The following MOGS variants were observed in gnomAD, a reference collection of about 807,000 sequenced individuals.
The protein encoded by MOGS is mannosyl-oligosaccharide glucosidase.
In MOGS, 45 loss-of-function variants were observed where a neutral mutation model predicts 68.5. That is an observed-to-expected ratio of 0.66 (90% confidence interval 0.52 to 0.84). The LOEUF (loss-of-function observed/expected upper bound fraction) is 0.84, where lower values mean the gene tolerates loss of function less well. Among genes scored for constraint, MOGS ranks in the 40% least tolerant of loss-of-function variants. The probability of loss-of-function intolerance (pLI) is 0.00; values close to 1 mark genes in which losing one functional copy is unlikely to be tolerated. For missense variants in MOGS, 1,020 were observed against 1,095.0 expected (o/e 0.93, Z 0.97); for synonymous variants, 492 against 461.2 (o/e 1.07, Z -0.86).
chr2:74,465,381 G>C lies in MOGS; in HGVS notation c.-134C>G. The C allele has an allele frequency of 2.2e-6, 1 of 460,144 alleles. No individual in the cohort carries two copies. The highest frequency in any genetic ancestry group is 3.6e-5 in the East Asian group (1 of 27,962). The allele number at this position is 460,144 out of a possible 1,614,324, so 28.5% of individuals were successfully genotyped here. On this transcript the variant is annotated 5_prime_UTR_variant, in exon 1 of 4. Coordinates refer to ENST00000448666, the MANE Select transcript of MOGS (RefSeq NM_006302.3). The stretch of plus-strand genomic sequence containing the variant: ...TAGCGACACCTGCCAGCCAGCGCCT[G>C]CGCCTCCGCCTCCGCCTCCCGCCGG...
At position 74,464,581 on chromosome 2, in the gene MOGS, GC is replaced by G. The variant is rs775911357; in HGVS notation, c.493del (p.Ala165ProfsTer2). On this transcript the variant is annotated frameshift_variant, in exon 2 of 4. Transcript: ENST00000448666. LOFTEE classifies it high-confidence loss of function. ...GACGAACTCAGTGGTGAGCCTTAAG[GC>G]CCCATCCTGGATGTGTTGGCGCCCG... The part of the protein sequence containing the change: ...SFGRQHIQDG[A>X]LRLTTEFVKR... The G allele has an allele frequency of 5.6e-6, 9 of 1,614,092 alleles. No individual in the cohort carries two copies. The highest frequency in any genetic ancestry group is 7.6e-6 in the Non-Finnish European group (9 of 1,180,036).
rs747215720 is a variant in MOGS, at chr2:74,464,701, C to T, written c.374G>A (p.Gly125Asp). ...GAGCTTAGGAGTCCCCGGGGTGGTG[C>T]CCTGCTGCGCCCACATCAGTCCTGG... The part of the protein sequence containing the change: ...LLTGLMWAQQ[G>D]TTPGTPKLRH... The change falls in exon 2 of 4, where the codon GGC becomes GAC. Residue 125 changes from glycine to aspartate, a missense_variant. Gly to Asp is a moderately conservative substitution (Grantham distance 94, BLOSUM62 -1). Transcript: ENST00000448666. 2 of 1,612,938 alleles carry T rather than the reference C, an allele frequency of 1.2e-6. No homozygotes were observed. Among genetic ancestry groups the T allele is most frequent in the South Asian group, 1.1e-5 (1 of 91,032 alleles).
Position 74,464,477 on chromosome 2 carries a change from G to C in MOGS, c.579+19C>G. 4.3e-6 allele frequency: 7 copies of C among 1,611,414 alleles called. No homozygotes were observed. Among genetic ancestry groups the C allele is most frequent in the Non-Finnish European group, 5.9e-6 (7 of 1,178,324 alleles). On this transcript the variant is annotated intron_variant, in intron 2 of 3. Transcript: ENST00000448666. Reference sequence around the variant, plus strand: ...TGGAGGGGGTCTGGGCTGAGAAAAGGGTGTCCTGAGGCCCTGACCTGAGGC... The same window carrying C: ...TGGAGGGGGTCTGGGCTGAGAAAAGCGTGTCCTGAGGCCCTGACCTGAGGC...
Position 74,464,725 on chromosome 2 carries a change from G to A in MOGS, c.353-3C>T. On this transcript the variant is annotated splice_polypyrimidine_tract_variant and splice_region_variant and intron_variant, in intron 1 of 3. Transcript: ENST00000448666. The stretch of plus-strand genomic sequence containing the variant: ...GCCCTGCTGCGCCCACATCAGTCCT[G>A]GGGGTAGAATGGCCACGTAAGTCAA... 6.2e-7 allele frequency: 1 copy of A among 1,610,206 alleles called. No individual in the cohort carries two copies. The highest frequency in any genetic ancestry group is 8.5e-7 in the Non-Finnish European group (1 of 1,177,386).
rs1671918908 is a variant in MOGS, at chr2:74,461,850, G to A, written c.1939C>T (p.Pro647Ser). ...AESLDELHWAPELGVFADFGN... is the reference protein window; with the variant it reads ...AESLDELHWASELGVFADFGN... ...AAGTCTGCAAAGACTCCTAGCTCTG[G>A]GGCCCAGTGCAGCTCATCCAGGCTC... The change falls in exon 4 of 4, where the codon CCA becomes TCA. Residue 647 changes from proline to serine, a missense_variant. Transcript: ENST00000448666. 1 of 1,613,942 alleles carries A rather than the reference G, an allele frequency of 6.2e-7. No homozygotes were observed. The highest frequency in any genetic ancestry group is 8.5e-7 in the Non-Finnish European group (1 of 1,180,002).
rs181059661 is a variant in MOGS, at chr2:74,461,666, C to T, written c.2123G>A (p.Arg708His). 1.2e-4 allele frequency: 187 copies of T among 1,614,146 alleles called. No homozygotes were observed. The highest frequency in any genetic ancestry group is 1.1e-3 in the Admixed American group (65 of 60,028). The stretch of plus-strand genomic sequence containing the variant: ...TAGAATGTCCAGCAGGGGCCCAAGG[C>T]GGGATGAGGTGGGGTCCAGCAGTCG... Reference protein sequence around the residue: ...LLRLLDPTSSRLGPLLDILAD... With the variant: ...LLRLLDPTSSHLGPLLDILAD... Residue 708 changes from arginine (R) to histidine (H), a missense_variant, in exon 4 of 4, where the codon CGC becomes CAC. Physicochemically the swap from Arg to His is conservative, Grantham distance 29. Around this residue, in one of 3 missense-constraint regions of MOGS, gnomAD observed 270 missense variants for 261.3 expected, o/e 1.03. Transcript: ENST00000448666.
At position 74,463,199 on chromosome 2, in the gene MOGS, T is replaced by G; in HGVS notation, c.767A>C (p.Lys256Thr). The change falls in exon 3 of 4, where the codon AAG becomes ACG. Residue 256 changes from lysine (K) to threonine (T), a missense_variant. Transcript: ENST00000448666. Reference protein sequence around the residue: ...PPTSPGDTAPKYGSYNVFWTS... With the variant: ...PPTSPGDTAPTYGSYNVFWTS... ...CTTTTCCCCCAGTTACCTGCCATAC[T>G]TGGGGGCTGTATCCCCTGGACTGGT... 6.2e-7 allele frequency: 1 copy of G among 1,614,188 alleles called. No individual in the cohort carries two copies. The highest frequency in any genetic ancestry group is 8.5e-7 in the Non-Finnish European group (1 of 1,180,034).
At position 74,461,545 on chromosome 2, in the gene MOGS, G is replaced by C; in HGVS notation, c.2244C>G (p.Pro748=). The change falls in exon 4 of 4, where the codon CCC becomes CCG. Residue 748 remains proline (P), a synonymous_variant. Transcript: ENST00000448666. ...TGAGCCACACAGCACCCCGCCAGTA[G>C]GGGGGATCATGCTCTGAATTGCGCT... ...YGQRNSEHDP[P]YWRGAVWLNV... 1 of 1,614,008 alleles carries C rather than the reference G, an allele frequency of 6.2e-7. No homozygotes were observed. Among genetic ancestry groups the C allele is most frequent in the Non-Finnish European group, 8.5e-7 (1 of 1,179,924 alleles).
rs1222250775 is a variant in MOGS, at chr2:74,465,199, G to T, written c.49C>A (p.Arg17=). Residue 17 remains arginine (R), a synonymous_variant, in exon 1 of 4, where the codon CGG becomes AGG. Coordinates refer to ENST00000448666, the MANE Select transcript of MOGS (RefSeq NM_006302.3). ...CCCCGAGCCGCCCTCTCGGCTGTCC[G>T]CACTCCCTCTGCCGGCACTGCGCGG... ...RRRAVPAEGV[R]TAERAARGGP... 6.5e-7 allele frequency: 1 copy of T among 1,528,550 alleles called. No homozygotes were observed. Among genetic ancestry groups the T allele is most frequent in the Non-Finnish European group, 8.7e-7 (1 of 1,148,950 alleles). 94.7% of individuals were successfully genotyped at this position (1,528,550 alleles called of 1,614,324 possible).
chr2:74,465,145 C>T lies in MOGS; in HGVS notation c.103G>A (p.Gly35Ser), dbSNP rs908587926. 2.9e-5 allele frequency: 45 copies of T among 1,531,494 alleles called. No homozygotes were observed. The highest frequency in any genetic ancestry group is 3.8e-5 in the Non-Finnish European group (44 of 1,144,782). 94.9% of individuals were successfully genotyped at this position (1,531,494 alleles called of 1,614,324 possible). Residue 35 changes from glycine (G) to serine (S), a missense_variant, in exon 1 of 4, where the codon GGC becomes AGC. This residue lies in a region of MOGS where 569 missense variants were observed against 571.9 expected (regional missense o/e 0.99). Transcript: ENST00000448666. ...CCTCCAGCCGTGCTACGCGGCCCGC[C>T]GCCCCGGCCGTCCCGTCGCCCGGGG... The part of the protein sequence containing the change: ...GGPGRRDGRG[G>S]GPRSTAGGVA...
rs377287243 is a variant in MOGS, at chr2:74,461,963, C to T, written c.1826G>A (p.Arg609His). The T allele has an allele frequency of 2.9e-4, 470 of 1,614,052 alleles. No homozygotes were observed. The highest frequency in any genetic ancestry group is 3.8e-4 in the Non-Finnish European group (444 of 1,180,028). Reference sequence around the variant, plus strand: ...ATGCTCTGCCAGCCGCGTCAGCACACGGGCACCCAGTGCCACCCAACATCG... The same window carrying T: ...ATGCTCTGCCAGCCGCGTCAGCACATGGGCACCCAGTGCCACCCAACATCG... ...DLRCWVALGARVLTRLAEHLG... is the reference protein window; with the variant it reads ...DLRCWVALGAHVLTRLAEHLG... The change falls in exon 4 of 4, where the codon CGT becomes CAT. Residue 609 changes from arginine (R) to histidine (H), a missense_variant. Physicochemically the swap from Arg to His is conservative, Grantham distance 29. Coordinates refer to ENST00000448666, the MANE Select transcript of MOGS (RefSeq NM_006302.3).
In MOGS at chr2:74,461,196, TG is replaced by T; in HGVS notation, c.*78del. 2 of 1,557,524 alleles carry T rather than the reference TG, an allele frequency of 1.3e-6. No homozygotes were observed. The highest frequency in any genetic ancestry group is 1.8e-6 in the Non-Finnish European group (2 of 1,138,656). ...TTTGAATTACTGGTATCCAAGGGGC[TG>T]GGGGCAAAAGCCAGAAGCCTTTGTC... On this transcript the variant is annotated 3_prime_UTR_variant, in exon 4 of 4. Transcript: ENST00000448666.
Position 74,462,120 on chromosome 2 carries a change from G to T in MOGS, c.1669C>A (p.Pro557Thr), listed in dbSNP as rs766981123. 1.9e-6 allele frequency: 3 copies of T among 1,614,094 alleles called. No individual in the cohort carries two copies. The highest frequency in any genetic ancestry group is 1.1e-5 in the South Asian group (1 of 91,090). Residue 557 changes from proline (P) to threonine (T), a missense_variant, in exon 4 of 4, where the codon CCA (proline) becomes ACA (threonine). Coordinates refer to ENST00000448666, the MANE Select transcript of MOGS (RefSeq NM_006302.3). Reference sequence around the variant, plus strand: ...CGTCCCCGCCAGCGGTAAGATAGTGGCAGTGGGCCTGCCTGGCTCTGATGG... The same window carrying T: ...CGTCCCCGCCAGCGGTAAGATAGTGTCAGTGGGCCTGCCTGGCTCTGATGG... ...WLHQSQAGPL[P>T]LSYRWRGRDP... is the part of the protein sequence containing the mutation.
At position 74,463,212 on chromosome 2, in the gene MOGS, C is replaced by A. The variant is rs758528211; in HGVS notation, c.754G>T (p.Asp252Tyr). 18 of 1,614,176 alleles carry A rather than the reference C, an allele frequency of 1.1e-5. No homozygotes were observed. The highest frequency in any genetic ancestry group is 3.3e-4 in the Middle Eastern group (2 of 6,054). Residue 252 changes from aspartate (D) to tyrosine (Y), a missense_variant, in exon 3 of 4, where the codon GAT (aspartate) becomes TAT (tyrosine). By Grantham distance (160) the Asp-to-Tyr change is radical (BLOSUM62 -3). Coordinates refer to ENST00000448666, the MANE Select transcript of MOGS (RefSeq NM_006302.3). ...FTLLPPTSPG[D>Y]TAPKYGSYNV... is the part of the protein sequence containing the mutation. Reference sequence around the variant, plus strand: ...TACCTGCCATACTTGGGGGCTGTATCCCCTGGACTGGTTGGTGGCAAAAGT... The same window carrying A: ...TACCTGCCATACTTGGGGGCTGTATACCCTGGACTGGTTGGTGGCAAAAGT...
chr2:74,462,530 G>A lies in MOGS; in HGVS notation c.1259C>T (p.Ser420Phe). The A allele has an allele frequency of 6.2e-7, 1 of 1,609,602 alleles. No individual in the cohort carries two copies. Among genetic ancestry groups the A allele is most frequent in the South Asian group, 1.1e-5 (1 of 90,838 alleles). ...GAGGGCTGGGTCCACCTTCTGCTCA[G>A]ACCCTTCCACCCCGATGTCTGGCAA... ...LVLPDIGVEG[S>F]EQKVDPALFP... The change falls in exon 4 of 4, where the codon TCT (serine) becomes TTT (phenylalanine). Residue 420 changes from serine to phenylalanine, a missense_variant. Coordinates refer to ENST00000448666, the MANE Select transcript of MOGS (RefSeq NM_006302.3).
In MOGS at chr2:74,461,438, T is replaced by G. The variant is rs1572919220; in HGVS notation, c.2351A>C (p.His784Pro). 1.2e-6 allele frequency: 2 copies of G among 1,614,212 alleles called. No homozygotes were observed. Among genetic ancestry groups the G allele is most frequent in the Non-Finnish European group, 1.7e-6 (2 of 1,180,038 alleles). Residue 784 changes from histidine (H) to proline (P), a missense_variant, in exon 4 of 4, where the codon CAC becomes CCC. Physicochemically the swap from His to Pro is moderately conservative, Grantham distance 77 (BLOSUM62 -2). Transcript: ENST00000448666. ...TACCACGTTGGCACGGAGCTCACCG[T>G]GGAGTTTGGCAGCCCGAGCCTGGTG... ...GPHQARAAKL[H>P]GELRANVVGN...
chr2:74,463,961 C>CTTT lies in MOGS; in HGVS notation c.579+532_579+534dup, dbSNP rs796508949. ...TACAGGCGTGAGCCACCGCGCCTGG[C>CTTT]TTTTTTTTTTTTCTTGAGATGGAGT... is the stretch of plus-strand genomic sequence containing the variant. On this transcript the variant is annotated intron_variant, in intron 2 of 3. Transcript: ENST00000448666. 3.8e-5 allele frequency among the ~76,000 whole-genome samples: 5 copies of CTTT among 132,636 alleles called. No homozygotes were observed. In the Admixed American group the frequency reaches 3.9e-4, roughly 10 times the overall value. The allele number at this position is 132,636 out of a possible 152,430, so 87.0% of individuals were successfully genotyped here.
Position 74,465,234 on chromosome 2 carries a change from T to C in MOGS, c.14A>G (p.Glu5Gly), listed in dbSNP as rs1672037208. The change falls in exon 1 of 4, where the codon GAG (glutamate) becomes GGG (glycine). Residue 5 changes from glutamate (E) to glycine (G), a missense_variant. This residue lies in a region of MOGS where 569 missense variants were observed against 571.9 expected (regional missense o/e 0.99). Transcript: ENST00000448666. The stretch of plus-strand genomic sequence containing the variant: ...TGCCGGCACTGCGCGGCGCCGCCGC[T>C]CGCCCCGAGCCATCCTGGCACTGAG... MARG[E>G]RRRRAVPAEG... The C allele has an allele frequency of 2.8e-6, 4 of 1,444,266 alleles. No individual in the cohort carries two copies. The highest frequency in any genetic ancestry group is 3.0e-5 in the Admixed American group (1 of 33,668). The allele number at this position is 1,444,266 out of a possible 1,614,324, so 89.5% of individuals were successfully genotyped here. A position where few individuals can be genotyped will look rare whatever the true frequency, so the allele number is the denominator to read the frequency against.
rs1671957672 is a variant in MOGS, at chr2:74,462,652, C to T, written c.1137G>A (p.Lys379=). 6.2e-7 allele frequency: 1 copy of T among 1,614,154 alleles called. No homozygotes were observed. The part of the protein sequence containing the change: ...RERFEKTFQL[K]EKGLSSGEQV... ...GCTCGCCAGAGCTCAGGCCCTTCTC[C>T]TTCAGCTGGAAGGTCTTCTCAAAGC... The change falls in exon 4 of 4, where the codon AAG becomes AAA. Residue 379 remains lysine (K), a synonymous_variant. Coordinates refer to ENST00000448666, the MANE Select transcript of MOGS (RefSeq NM_006302.3).
Sources: gnomAD v4.1 joint callset for allele counts (sites outside exome capture counted in the v4.1 genomes callset) on GRCh38, gnomAD v4.1.1 for gene constraint, gnomAD v4.1.1 regional missense constraint, MANE v1.5 for transcripts, NCBI Gene and HGNC (gene_info 2026-07-23, HGNC 2026-07-21) for gene names.